SDK1: variants seen among roughly 807,000 people sequenced by gnomAD.
SDK1 encodes the protein protein sidekick-1.
In SDK1, 157 loss-of-function variants were observed where a neutral mutation model predicts 245.5. The observed-to-expected ratio is 0.64, with a 90% confidence interval of 0.56 to 0.73. The LOEUF (loss-of-function observed/expected upper bound fraction) is 0.73. Ranked by LOEUF, SDK1 falls within the 30% of genes least tolerant of loss-of-function variation. The pLI, the probability that SDK1 is intolerant of heterozygous loss-of-function variation, is 0.00. For missense variants in SDK1, 3,583 were observed against 3,002.3 expected (o/e 1.19, Z -4.52); for synonymous variants, 1,647 against 1,278.5 (o/e 1.29, Z -6.15).
At chr7:3,917,077 T>C (rs1779410252) in intron 5 of SDK1, among the ~76,000 whole-genome samples, 1 of 152,232 alleles carries the variant, frequency 6.6e-6, no homozygotes, top group East Asian at 1.9e-4. Flanking sequence ...GATGACAACA[T>C]AATTGTTTTC....
chr7:3,798,416 A>G (rs947520610), intron 4 of SDK1, among the ~76,000 whole-genome samples: 90 of 151,740 alleles, frequency 5.9e-4, no homozygotes, highest in African/African-American at 2.1e-3. Context: ...ACAGGGTTTC[A>G]CCGTGTTAGC....
chr7:4,167,274 C>G (rs1457895009), intron 32 of SDK1, among the ~76,000 whole-genome samples: 4 of 152,060 alleles, frequency 2.6e-5, no homozygotes, highest in Non-Finnish European at 4.4e-5. Flanking sequence ...CCTATAGTCC[C>G]AGCTACTCAG....
chr7:3,924,121 A>G (rs1779688206), intron 5 of SDK1, among the ~76,000 whole-genome samples: 1 of 150,404 alleles, frequency 6.6e-6, no homozygotes, highest in Non-Finnish European at 1.5e-5. Context: ...GACCTAAGGG[A>G]GATTTACAGA....
intron 1 of SDK1, among the ~76,000 whole-genome samples, chr7:3,498,955 C>G (rs970742485): frequency 6.6e-6 from 1 of 152,158 alleles, no homozygotes; most frequent in Non-Finnish European, 1.5e-5. Flanking sequence ...TACTATTGAT[C>G]TGGCACTAAC....
At chr7:3,666,898 A>G (rs1583288017) in intron 4 of SDK1, among the ~76,000 whole-genome samples, 1 of 152,154 alleles carries the variant, frequency 6.6e-6, no homozygotes, top group Non-Finnish European at 1.5e-5. Context: ...ATCCGTCACA[A>G]GAGGTGTTGG....
At chr7:3,630,863 C>T (rs531617719) in intron 2 of SDK1, among the ~76,000 whole-genome samples, 15 of 152,040 alleles carry the variant, frequency 9.9e-5, no homozygotes, top group South Asian at 4.2e-4. Context: ...TCTTTAGGCC[C>T]GAGACCCTGA....
At chr7:3,582,213 C>G (rs1429200438) in intron 1 of SDK1, among the ~76,000 whole-genome samples, 13 of 147,240 alleles carry the variant, frequency 8.8e-5, no homozygotes, top group East Asian at 2.0e-4. Flanking sequence ...AGGTAGGTCT[C>G]CCTCAGGTAG....
intron 22 of SDK1, among the ~76,000 whole-genome samples, chr7:4,098,593 G>A (rs548494203): frequency 6.6e-6 from 1 of 152,190 alleles, no homozygotes; most frequent in East Asian, 1.9e-4. Context: ...AAACCTTTTA[G>A]TTTCTCCCTC....
chr7:3,897,998 A>G (rs558564341), intron 5 of SDK1, among the ~76,000 whole-genome samples: 18 of 151,750 alleles, frequency 1.2e-4, no homozygotes, highest in Middle Eastern at 3.4e-3. Flanking sequence ...ATGTGTGCAC[A>G]GTACACTGAC....
intron 4 of SDK1, among the ~76,000 whole-genome samples, chr7:3,674,076 G>GA (rs375316817): frequency 6.6e-6 from 1 of 151,970 alleles, no homozygotes; most frequent in African/African-American, 2.4e-5. Flanking sequence ...GAGAATAGGA[G>GA]AAAAAAACAT....
intron 35 of SDK1, among the ~76,000 whole-genome samples, chr7:4,190,142 G>C (rs1783107367): frequency 6.6e-6 from 1 of 152,178 alleles, no homozygotes; most frequent in South Asian, 2.1e-4. Flanking sequence ...CCTGTTTACA[G>C]GGTAATTAAC....
rs1417196091 is a variant in SDK1 at position 4,129,794 on chromosome 7, G to A, written c.3940-114G>A. 3.2e-6 allele frequency: 5 copies of A among 1,539,062 alleles called. No homozygotes were observed. The African/African-American group carries it at 6.8e-5, about 21-fold the overall frequency. On this transcript the variant is annotated intron_variant, in intron 26 of 44. Transcript: ENST00000404826. Reference sequence around the variant, plus strand: ...GAAGCCCTGCACACAGCCATCCTCAGGGAGAAAGCACAGTTGGCTGGGCCT... The same window carrying A: ...GAAGCCCTGCACACAGCCATCCTCAAGGAGAAAGCACAGTTGGCTGGGCCT...
intron 2 of SDK1, among the ~76,000 whole-genome samples, chr7:3,629,932 A>G (rs1204161367): frequency 1.3e-5 from 2 of 152,234 alleles, no homozygotes; most frequent in Non-Finnish European, 2.9e-5. Context: ...ATCAAAGTAG[A>G]GACACGAAAA....
chr7:3,506,739 C>G (rs1782404056), intron 1 of SDK1, among the ~76,000 whole-genome samples: 1 of 152,022 alleles, frequency 6.6e-6, no homozygotes, highest in South Asian at 2.1e-4. Context: ...ATGCATTTAA[C>G]TATATCCAGG....
intron 38 of SDK1, 67 bp from the exon 39 acceptor site, chr7:4,220,042 A>G: frequency 6.4e-7 from 1 of 1,555,668 alleles, no homozygotes; most frequent in Non-Finnish European, 8.8e-7. Context: ...ATCGCAACAG[A>G]ACAGACAGTG....
intron 4 of SDK1, among the ~76,000 whole-genome samples, chr7:3,780,737 AG>A (rs1780705741): frequency 1.3e-5 from 2 of 151,074 alleles, no homozygotes; most frequent in Admixed American, 1.3e-4. Flanking sequence ...CACCCTGTGC[AG>A]GCAGAGACTC....
chr7:3,807,686 G>T (rs1459555675), intron 4 of SDK1, among the ~76,000 whole-genome samples: 1 of 152,278 alleles, frequency 6.6e-6, no homozygotes, highest in Non-Finnish European at 1.5e-5. Context: ...GTCTCACTGG[G>T]TCTGGGGCCA....
intron 1 of SDK1, among the ~76,000 whole-genome samples, chr7:3,457,911 T>A (rs563124302): frequency 6.6e-6 from 1 of 152,346 alleles, no homozygotes; most frequent in South Asian, 2.1e-4. Context: ...AGTAAATGTT[T>A]AGACACTTTT....
Position 3,325,763 on chromosome 7 carries a change from A to G in SDK1, c.298+23879A>G, listed in dbSNP as rs540791322. 4.6e-5 allele frequency among the ~76,000 whole-genome samples: 7 copies of G among 152,280 alleles called. No individual in the cohort carries two copies. In the South Asian group the frequency reaches 1.0e-3, roughly 23 times the overall value. On this transcript the variant is annotated intron_variant, in intron 1 of 44. Coordinates refer to ENST00000404826, the MANE Select transcript of SDK1 (RefSeq NM_152744.4). ...GTGTTACAAATTTTTTACAAATTAC[A>G]TAGATAATCCTCAGTTCTGTTGAAT...
Sources: gnomAD v4.1 joint callset for allele counts (sites outside exome capture counted in the v4.1 genomes callset) on GRCh38, gnomAD v4.1.1 for gene constraint, MANE v1.5 for transcripts, NCBI Gene and HGNC (gene_info 2026-07-23, HGNC 2026-07-21) for gene names.